PACRG: variants seen among roughly 807,000 people sequenced by gnomAD.
The protein encoded by PACRG is parkin coregulated gene protein.
In PACRG, 29 loss-of-function variants were observed where a neutral mutation model predicts 29.7. The ratio of observed to expected loss-of-function variants is 0.98; its 90% CI spans 0.73 to 1.33. PACRG has a LOEUF of 1.33. Ranked by LOEUF, PACRG falls within the 40% of genes most tolerant of loss-of-function variation. The pLI is 0.00. For synonymous variants in PACRG, 116 were observed against 118.7 expected (o/e 0.98, Z 0.15); for missense variants, 279 against 316.2 (o/e 0.88, Z 0.89).
intron 4 of PACRG, among the ~76,000 whole-genome samples, chr6:163,252,538 G>T (rs540979215): frequency 8.5e-5 from 13 of 152,196 alleles, no homozygotes; most frequent in African/African-American, 3.1e-4. Context: ...CGCTGTGAAG[G>T]CCAGAGGGGC....
At chr6:163,211,668 C>T (rs970271603) in intron 4 of PACRG, among the ~76,000 whole-genome samples, 3 of 152,012 alleles carry the variant, frequency 2.0e-5, no homozygotes, top group African/African-American at 7.3e-5. Context: ...TATATCTTCC[C>T]GTAGTAAAAG....
At chr6:163,199,752 A>G (rs562790769) in intron 4 of PACRG, among the ~76,000 whole-genome samples, 1 of 152,260 alleles carries the variant, frequency 6.6e-6, no homozygotes, top group East Asian at 1.9e-4. Flanking sequence ...CGCAGAACTC[A>G]TTCTTTAACT....
chr6:162,880,701 T>C (rs375320579), intron 2 of PACRG, among the ~76,000 whole-genome samples: 19 of 152,284 alleles, frequency 1.2e-4, no homozygotes, highest in African/African-American at 4.6e-4. Context: ...ATAAAACATA[T>C]CTTAAATTTC....
At chr6:162,996,244 A>G (rs1804036878) in intron 2 of PACRG, among the ~76,000 whole-genome samples, 2 of 152,344 alleles carry the variant, frequency 1.3e-5, no homozygotes, top group African/African-American at 4.8e-5. Context: ...ACATATATCA[A>G]GACATTAAGC....
intron 4 of PACRG, among the ~76,000 whole-genome samples, chr6:163,245,988 G>C (rs1440190773): frequency 6.6e-6 from 1 of 152,016 alleles, no homozygotes; most frequent in Non-Finnish European, 1.5e-5. Context: ...ACCCCTCAGC[G>C]CCTCCACCTC....
At chr6:162,995,393 A>T (rs1440403513) in intron 2 of PACRG, among the ~76,000 whole-genome samples, 21 of 151,928 alleles carry the variant, frequency 1.4e-4, no homozygotes. Context: ...AATCAGCGAG[A>T]TTCCATGGGC....
At chr6:163,152,567 A>G (rs1778144010) in intron 4 of PACRG, among the ~76,000 whole-genome samples, 1 of 152,216 alleles carries the variant, frequency 6.6e-6, no homozygotes, top group African/African-American at 2.4e-5. Context: ...ACCTCAATGT[A>G]TAACTATTGA....
At chr6:163,008,791 T>C (rs1805361190) in intron 2 of PACRG, among the ~76,000 whole-genome samples, 1 of 151,838 alleles carries the variant, frequency 6.6e-6, no homozygotes, top group South Asian at 2.1e-4. Flanking sequence ...GCTTCTAATC[T>C]ACTAAACAGA....
At chr6:162,894,034 G>A (rs577265903) in intron 2 of PACRG, among the ~76,000 whole-genome samples, 17 of 152,290 alleles carry the variant, frequency 1.1e-4, no homozygotes, top group African/African-American at 3.4e-4. Flanking sequence ...CAAGCTCGGC[G>A]CACCATTGTC....
At chr6:163,236,124 C>A (rs1782228168) in intron 4 of PACRG, among the ~76,000 whole-genome samples, 1 of 128,354 alleles carries the variant, frequency 7.8e-6, no homozygotes, top group Non-Finnish European at 1.6e-5. Context: ...GTGGGATATG[C>A]CACACAGGGT....
intron 4 of PACRG, among the ~76,000 whole-genome samples, chr6:163,093,898 G>C (rs1814335957): frequency 6.6e-6 from 1 of 152,176 alleles, no homozygotes; most frequent in African/African-American, 2.4e-5. Context: ...GAGGATGCCT[G>C]AAGTTTGCAA....
At chr6:162,914,520 T>G (rs1176368380) in intron 2 of PACRG, among the ~76,000 whole-genome samples, 3 of 147,718 alleles carry the variant, frequency 2.0e-5, no homozygotes, top group African/African-American at 4.9e-5. Flanking sequence ...TTTTTTTTTT[T>G]TTTTTTTTTT....
At chr6:162,871,802 C>T (rs1471119483) in intron 2 of PACRG, among the ~76,000 whole-genome samples, 2 of 151,964 alleles carry the variant, frequency 1.3e-5, no homozygotes, top group Admixed American at 1.3e-4. Context: ...CCTGTAGTCC[C>T]AGCTACTCGG....
chr6:163,144,019 A>C (rs1442646703), intron 4 of PACRG, among the ~76,000 whole-genome samples: 1 of 152,082 alleles, frequency 6.6e-6, no homozygotes, highest in Non-Finnish European at 1.5e-5. Flanking sequence ...TCCTGAGGTC[A>C]GGAGTTTGAG....
At chr6:163,120,847 G>T (rs1484798383) in intron 4 of PACRG, among the ~76,000 whole-genome samples, 1 of 152,100 alleles carries the variant, frequency 6.6e-6, no homozygotes, top group South Asian at 2.1e-4. Context: ...CTAGACCCAG[G>T]CCCTCCCATG....
intron 4 of PACRG, among the ~76,000 whole-genome samples, chr6:163,314,299 T>G (rs1728313007): frequency 6.6e-6 from 1 of 152,210 alleles, no homozygotes; most frequent in Non-Finnish European, 1.5e-5. Flanking sequence ...CACCTGCACC[T>G]GGAATGAGCA....
At chr6:162,768,354 C>T (rs141367958) in intron 1 of PACRG, among the ~76,000 whole-genome samples, 1 of 151,968 alleles carries the variant, frequency 6.6e-6, no homozygotes, top group African/African-American at 2.4e-5. Flanking sequence ...TGATGATTTG[C>T]CTTTTTTCTC....
At chr6:162,865,255 A>T (rs1792199733) in intron 2 of PACRG, among the ~76,000 whole-genome samples, 1 of 152,176 alleles carries the variant, frequency 6.6e-6, no homozygotes, top group African/African-American at 2.4e-5. Flanking sequence ...TGGGCTATGT[A>T]TGCAATCTGC....
At chr6:163,119,231 C>T (rs987053843) in intron 4 of PACRG, among the ~76,000 whole-genome samples, 5 of 152,254 alleles carry the variant, frequency 3.3e-5, no homozygotes, top group African/African-American at 1.2e-4. Flanking sequence ...GGGCCCAATA[C>T]AGGCCACAGC....
Sources: gnomAD v4.1 joint callset for allele counts (sites outside exome capture counted in the v4.1 genomes callset) on GRCh38, gnomAD v4.1.1 for gene constraint, MANE v1.5 for transcripts, NCBI Gene and HGNC (gene_info 2026-07-23, HGNC 2026-07-21) for gene names.